The following SLC1A3 variants were observed in gnomAD, a reference collection of about 807,000 sequenced individuals.
The protein encoded by SLC1A3 is solute carrier family 1 member 3, also known as excitatory amino acid transporter 1.
A neutral mutation model predicts 48.1 loss-of-function variants in SLC1A3; 21 were observed. That is an observed-to-expected ratio of 0.44 (90% CI 0.31 to 0.63). SLC1A3 has a LOEUF of 0.63. SLC1A3 is among the 20% of genes least tolerant of loss of function. The probability of loss-of-function intolerance (pLI) is 0.08; values close to 1 mark genes in which losing one functional copy is unlikely to be tolerated. For synonymous variants in SLC1A3, 239 were observed against 251.4 expected (o/e 0.95, Z 0.47); for missense variants, 546 against 689.0 (o/e 0.79, Z 2.32).
rs1048983013 is a variant in SLC1A3, at chr5:36,686,869, G to C, written c.*600G>C. 4 of 162,690 alleles carry C rather than the reference G, an allele frequency of 2.5e-5. No homozygotes were observed. The highest frequency in any genetic ancestry group is 6.0e-5 in the Admixed American group (1 of 16,664). The allele number at this position is 162,690 out of a possible 1,614,324, so 10.1% of individuals were successfully genotyped here. ...AGTCCCATCTCACCTCTAGGCCTCAGTGTCCTCATCTATAAAATGAGGGAC... is the reference window on the plus strand; with the variant it reads ...AGTCCCATCTCACCTCTAGGCCTCACTGTCCTCATCTATAAAATGAGGGAC... On this transcript the variant is annotated 3_prime_UTR_variant, in exon 10 of 10. Transcript: ENST00000265113.
chr5:36,642,782 A>G (rs1740667228), intron 3 of SLC1A3, among the ~76,000 whole-genome samples: 1 of 152,174 alleles, frequency 6.6e-6, no homozygotes, highest in South Asian at 2.1e-4. Context: ...TCTACCTATT[A>G]TGAACATGTC....
At chr5:36,671,326 T>A in intron 4 of SLC1A3, 93 bp downstream of exon 4, 1 of 854,670 alleles carries the variant, frequency 1.2e-6, no homozygotes, top group Non-Finnish European at 2.0e-6. Flanking sequence ...GGTGTGTGAC[T>A]GAACCAGCCT....
At chr5:36,677,641 G>A (rs1742267530) in intron 6 of SLC1A3, among the ~76,000 whole-genome samples, 1 of 152,220 alleles carries the variant, frequency 6.6e-6, no homozygotes, top group African/African-American at 2.4e-5. Context: ...CACAGGTGCT[G>A]TGGAAAAATA....
In SLC1A3 at chr5:36,677,091, T is replaced by C. The variant is rs776184730; in HGVS notation, c.767T>C (p.Val256Ala). 7 of 1,614,108 alleles carry C rather than the reference T, an allele frequency of 4.3e-6. No individual in the cohort carries two copies. Among genetic ancestry groups the C allele is most frequent in the Non-Finnish European group, 5.9e-6 (7 of 1,179,984 alleles). Reference protein sequence around the residue: ...LVVFSMCFGFVIGNMKEQGQA... With the variant: ...LVVFSMCFGFAIGNMKEQGQA... ...GTCTTCTCCATGTGCTTCGGTTTTG[T>C]GATTGGAAACATGAAGGAACAGGGG... is the stretch of plus-strand genomic sequence containing the variant. The change falls in exon 6 of 10, where the codon GTG becomes GCG. Residue 256 changes from valine to alanine, a missense_variant. By Grantham distance (64) the Val-to-Ala change is moderately conservative (BLOSUM62 0). Around this residue, in one of 3 missense-constraint regions of SLC1A3, gnomAD observed 348 missense variants for 392.0 expected, o/e 0.89. Transcript: ENST00000265113.
chr5:36,627,100 T>C (rs1408796746), intron 2 of SLC1A3, among the ~76,000 whole-genome samples: 1 of 152,114 alleles, frequency 6.6e-6, no homozygotes, highest in Non-Finnish European at 1.5e-5. Flanking sequence ...GCAAGTATTT[T>C]ATACATAGGC....
intron 1 of SLC1A3, among the ~76,000 whole-genome samples, chr5:36,598,033 C>T (rs1012241751): frequency 6.6e-6 from 1 of 152,224 alleles, no homozygotes; most frequent in Non-Finnish European, 1.5e-5. Flanking sequence ...CCCACCTTCC[C>T]TCCAGTGCCT....
At position 36,629,483 on chromosome 5, in the gene SLC1A3, G is replaced by A. The variant is rs1351847335; in HGVS notation, c.215G>A (p.Arg72Lys). 2 of 1,601,924 alleles carry A rather than the reference G, an allele frequency of 1.2e-6. No homozygotes were observed. The change falls in exon 3 of 10, where the codon AGA becomes AAA. Residue 72 changes from arginine (R) to lysine (K), a missense_variant. This residue lies in a region of SLC1A3 where 348 missense variants were observed against 392.0 expected (regional missense o/e 0.89). Transcript: ENST00000265113. The part of the protein sequence containing the change: ...TILGFTLRPY[R>K]MSYREVKYFS... ...CTTGGATTTACCCTCCGACCATACA[G>A]AATGAGCTACCGGGAAGTCAAGTAC...
chr5:36,658,602 A>G (rs979495430), intron 3 of SLC1A3, among the ~76,000 whole-genome samples: 1 of 152,132 alleles, frequency 6.6e-6, no homozygotes, highest in African/African-American at 2.4e-5. Context: ...TAGATTTCTA[A>G]GCAGTTTTTT....
chr5:36,629,806 AGC>A, intron 3 of SLC1A3: 1 of 552,884 alleles, frequency 1.8e-6, no homozygotes, highest in Non-Finnish European at 3.2e-6. Flanking sequence ...GAATTTAAAC[AGC>A]CACGTAATCT....
chr5:36,628,122 A>T (rs1157556468), intron 2 of SLC1A3, among the ~76,000 whole-genome samples: 1 of 152,180 alleles, frequency 6.6e-6, no homozygotes. Context: ...TTACTGTTAC[A>T]TTGGAAAAAA....
At position 36,627,186 on chromosome 5, in the gene SLC1A3, C is replaced by T. The variant is rs535551417; in HGVS notation, c.182-2264C>T. Among the ~76,000 whole-genome samples the T allele has an allele frequency of 1.7e-3, 265 of 152,136 alleles. 1 individual carries two copies. Among genetic ancestry groups the T allele is most frequent in the African/African-American group, 6.2e-3 (257 of 41,514 alleles). ...ACACACACACGTACGTACCTAGACTCTTAAACGATTAGGATTGAATAGATG... is the reference window on the plus strand; with the variant it reads ...ACACACACACGTACGTACCTAGACTTTTAAACGATTAGGATTGAATAGATG... On this transcript the variant is annotated intron_variant, in intron 2 of 9. Transcript: ENST00000265113.
intron 8 of SLC1A3, among the ~76,000 whole-genome samples, chr5:36,683,476 AG>A (rs1742519618): frequency 6.6e-6 from 1 of 152,082 alleles, no homozygotes; most frequent in African/African-American, 2.4e-5. Flanking sequence ...TGGGAGGCCA[AG>A]GTGGGTGGAT....
intron 3 of SLC1A3, among the ~76,000 whole-genome samples, chr5:36,643,197 A>G (rs899413628): frequency 6.6e-6 from 1 of 152,224 alleles, no homozygotes; most frequent in African/African-American, 2.4e-5. Context: ...GCTGGGTCAT[A>G]TGATAACTCT....
At chr5:36,647,994 G>A (rs1293698916) in intron 3 of SLC1A3, among the ~76,000 whole-genome samples, 1 of 152,016 alleles carries the variant, frequency 6.6e-6, no homozygotes. Flanking sequence ...TTGGAGTTAG[G>A]GTTAATGTGT....
chr5:36,670,840 C>T, intron 3 of SLC1A3, 189 bp from the exon 4 acceptor site: 2 of 636,314 alleles, frequency 3.1e-6, no homozygotes, highest in East Asian at 2.8e-5. Flanking sequence ...GCTGATGCCT[C>T]ACCATTCTAG....
At chr5:36,616,571 A>C (rs1194557770) in intron 2 of SLC1A3, among the ~76,000 whole-genome samples, 1 of 152,190 alleles carries the variant, frequency 6.6e-6, no homozygotes, top group Non-Finnish European at 1.5e-5. Context: ...TCCAGGCTAC[A>C]AACTGCTGCT....
intron 3 of SLC1A3, among the ~76,000 whole-genome samples, chr5:36,654,436 C>T (rs1185837522): frequency 6.6e-6 from 1 of 152,130 alleles, no homozygotes; most frequent in African/African-American, 2.4e-5. Context: ...CCTTTCCCCC[C>T]ATTCGAAAGT....
intron 3 of SLC1A3, among the ~76,000 whole-genome samples, chr5:36,649,532 A>G (rs1206992455): frequency 6.6e-6 from 1 of 152,162 alleles, no homozygotes; most frequent in African/African-American, 2.4e-5. Context: ...CAGCCTTTCT[A>G]TAGTTTATTA....
intron 3 of SLC1A3, among the ~76,000 whole-genome samples, chr5:36,663,246 C>T (rs571598465): frequency 3.3e-5 from 5 of 152,096 alleles, no homozygotes; most frequent in East Asian, 1.9e-4. Context: ...GACGGAGTCT[C>T]GCTCTGTCCC....
Sources: allele counts gnomAD v4.1 joint callset (sites outside exome capture counted in the v4.1 genomes callset), GRCh38; gene constraint gnomAD v4.1.1; regional missense constraint gnomAD v4.1.1; transcripts MANE v1.5; gene names NCBI Gene and HGNC (gene_info 2026-07-23, HGNC 2026-07-21).